EXOC2: variants seen among roughly 807,000 people sequenced by gnomAD.
The protein encoded by EXOC2 is SEC5-like 1.
A neutral mutation model predicts 131.8 loss-of-function variants in EXOC2; 70 were observed. The ratio of observed to expected loss-of-function variants is 0.53; its 90% CI spans 0.44 to 0.65. The LOEUF is 0.65. Among genes scored for constraint, EXOC2 ranks in the 30% least tolerant of loss-of-function variants. EXOC2 has a pLI of 0.00. For missense variants in EXOC2, 923 were observed against 1,108.6 expected, an observed-to-expected ratio of 0.83 and a Z score of 2.38; for synonymous variants, 411 against 398.4, an observed-to-expected ratio of 1.03 and a Z score of -0.38.
At chr6:507,034 C>CCACACA (rs774156290) in intron 23 of EXOC2, among the ~76,000 whole-genome samples, 1 of 147,848 alleles carries the variant, frequency 6.8e-6, no homozygotes, top group Admixed American at 6.8e-5. Context: ...ACAGCAGTGA[C>CCACACA]CACACACACA....
chr6:638,030 A>G (rs1419979943), intron 1 of EXOC2, among the ~76,000 whole-genome samples, 169 bp from the exon 2 acceptor site: 1 of 152,216 alleles, frequency 6.6e-6, no homozygotes, highest in African/African-American at 2.4e-5. Context: ...CTGAACATTA[A>G]GTTACTAAGG....
chr6:502,031 G>A (rs192598643), intron 23 of EXOC2, among the ~76,000 whole-genome samples: 150 of 152,254 alleles, frequency 9.9e-4, no homozygotes, highest in Non-Finnish European at 1.8e-3. Flanking sequence ...GGGCACTGGG[G>A]CCTGGCCTCG....
intron 1 of EXOC2, among the ~76,000 whole-genome samples, chr6:673,238 T>C (rs545465454): frequency 1.1e-5 from 1 of 92,950 alleles, no homozygotes; most frequent in Admixed American, 1.6e-4. Flanking sequence ...GTGACAAAAG[T>C]GAGACTCCAT....
Position 564,014 on chromosome 6 carries a change from C to T in EXOC2, c.1789+19G>A. The T allele has an allele frequency of 6.2e-7, 1 of 1,611,948 alleles. No individual in the cohort carries two copies. Among genetic ancestry groups the T allele is most frequent in the Non-Finnish European group, 8.5e-7 (1 of 1,179,162 alleles). ...GATAATCATTGCACAGTGAACGTCA[C>T]CGATTTATCAAAACACACCTTCCGC... is the stretch of plus-strand genomic sequence containing the variant. On this transcript the variant is annotated intron_variant, in intron 16 of 27. Coordinates refer to ENST00000230449, the MANE Select transcript of EXOC2 (RefSeq NM_018303.6).
At chr6:510,805 T>C (rs1764803789) in intron 23 of EXOC2, among the ~76,000 whole-genome samples, 1 of 152,244 alleles carries the variant, frequency 6.6e-6, no homozygotes, top group Admixed American at 6.5e-5. Context: ...AACCATTTGT[T>C]TGAATTTAGT....
intron 1 of EXOC2, among the ~76,000 whole-genome samples, chr6:660,579 G>A (rs1156909811): frequency 6.6e-6 from 1 of 152,198 alleles, no homozygotes; most frequent in Non-Finnish European, 1.5e-5. Context: ...CTCACAGGAA[G>A]CCACATCCAC....
chr6:577,466 C>G (rs1202372091), intron 11 of EXOC2, among the ~76,000 whole-genome samples: 1 of 152,192 alleles, frequency 6.6e-6, no homozygotes, highest in Non-Finnish European at 1.5e-5. Context: ...TCTGAGAAGT[C>G]TTCCAGAAAA....
chr6:535,568 A>G (rs577403083), intron 22 of EXOC2, among the ~76,000 whole-genome samples: 2 of 152,336 alleles, frequency 1.3e-5, no homozygotes, highest in South Asian at 4.1e-4. Flanking sequence ...AGTCTTGACA[A>G]CATAGAGGAA....
chr6:589,951 A>G (rs1759443329), intron 11 of EXOC2, among the ~76,000 whole-genome samples: 1 of 152,194 alleles, frequency 6.6e-6, no homozygotes, highest in African/African-American at 2.4e-5. Context: ...CGTCTCTACT[A>G]AAAATACAAA....
In EXOC2 at chr6:560,678, G is replaced by A. The variant is rs565453541; in HGVS notation, c.1851+2106C>T. Among the ~76,000 whole-genome samples the A allele has an allele frequency of 3.6e-4, 55 of 151,866 alleles. 1 individual carries two copies. The highest frequency in any genetic ancestry group is 1.2e-3 in the African/African-American group (50 of 41,438). On this transcript the variant is annotated intron_variant, in intron 17 of 27. Transcript: ENST00000230449. ...CTATTTAAATACAAATAATTGTGACGAATAGAAACCCAATCGATTAAAATT... is the reference window on the plus strand; with the variant it reads ...CTATTTAAATACAAATAATTGTGACAAATAGAAACCCAATCGATTAAAATT...
chr6:570,461 G>A (rs1758217204), intron 13 of EXOC2, among the ~76,000 whole-genome samples: 1 of 152,178 alleles, frequency 6.6e-6, no homozygotes, highest in South Asian at 2.1e-4. Context: ...TTCTTTAGAT[G>A]AGTTGATTCA....
At chr6:654,458 G>A (rs1762966317) in intron 1 of EXOC2, among the ~76,000 whole-genome samples, 1 of 152,134 alleles carries the variant, frequency 6.6e-6, no homozygotes, top group South Asian at 2.1e-4. Flanking sequence ...TCAAGACTTT[G>A]GTGGAGGATG....
At chr6:564,738 T>A (rs765668208) in intron 14 of EXOC2, 36 bp from the exon 15 acceptor site, 6 of 1,578,540 alleles carry the variant, frequency 3.8e-6, no homozygotes, top group Non-Finnish European at 5.2e-6. Flanking sequence ...CGTGTTCAAA[T>A]GTGATTAATC....
At chr6:631,645 T>C (rs1049119567) in intron 3 of EXOC2, among the ~76,000 whole-genome samples, 1 of 152,174 alleles carries the variant, frequency 6.6e-6, no homozygotes, top group African/African-American at 2.4e-5. Context: ...TTTGCCTAAG[T>C]TTTCTTTATC....
rs111347090 is a variant in EXOC2 at position 530,071 on chromosome 6, G to A, written c.2380+2398C>T. ...TAGCAAGTCTATGCAACTACCATAT[G>A]AGAATTCACAAAGGACAAGAAAATG... On this transcript the variant is annotated intron_variant, in intron 23 of 27. Transcript: ENST00000230449. Among the ~76,000 whole-genome samples, 1,299 of 152,246 alleles carry A rather than the reference G, an allele frequency of 8.5e-3. 10 individuals carry two copies. The highest frequency in any genetic ancestry group is 0.015 in the Non-Finnish European group (1,039 of 68,018).
intron 11 of EXOC2, among the ~76,000 whole-genome samples, chr6:589,101 G>C (rs1250241106): frequency 6.6e-6 from 1 of 152,342 alleles, no homozygotes; most frequent in Non-Finnish European, 1.5e-5. Context: ...TTTGTTTCCT[G>C]AAAGTATAAG....
intron 17 of EXOC2, among the ~76,000 whole-genome samples, chr6:558,127 G>C (rs1757521170): frequency 6.6e-6 from 1 of 151,938 alleles, no homozygotes; most frequent in South Asian, 2.1e-4. Context: ...AAAGAGTTTG[G>C]GAAAAAAACT....
At chr6:511,034 G>A (rs1262910620) in intron 23 of EXOC2, among the ~76,000 whole-genome samples, 2 of 152,202 alleles carry the variant, frequency 1.3e-5, no homozygotes, top group East Asian at 3.9e-4. Context: ...AGATTTTAAT[G>A]AGCTGAGATC....
intron 22 of EXOC2, among the ~76,000 whole-genome samples, chr6:538,032 T>C (rs944888677): frequency 1.3e-5 from 2 of 152,166 alleles, no homozygotes; most frequent in Non-Finnish European, 2.9e-5. Context: ...GATTTGTGTC[T>C]TTTACTGTAG....
Sources: gnomAD v4.1 joint callset for allele counts (sites outside exome capture counted in the v4.1 genomes callset) on GRCh38, gnomAD v4.1.1 for gene constraint, MANE v1.5 for transcripts, NCBI Gene and HGNC (gene_info 2026-07-23, HGNC 2026-07-21) for gene names.